Variants in KLHL1 observed in about 807,000 individuals in gnomAD.
The protein encoded by KLHL1 is kelch-like protein 1.
Under a neutral mutation model 77.7 loss-of-function variants are expected in KLHL1, and 47 were observed. The observed-to-expected ratio is 0.60, with a 90% CI of 0.48 to 0.77. The LOEUF is 0.77. Ranked by LOEUF, KLHL1 falls within the 30% of genes least tolerant of loss-of-function variation. KLHL1 has a pLI of 0.00. For synonymous variants in KLHL1, 360 were observed against 325.2 expected (o/e 1.11, Z -1.15); for missense variants, 925 against 910.8 (o/e 1.02, Z -0.20).
At chr13:69,742,427 A>C (rs1005412428) in intron 7 of KLHL1, among the ~76,000 whole-genome samples, 1 of 152,302 alleles carries the variant, frequency 6.6e-6, no homozygotes. Context: ...ATTGTCTCCC[A>C]AAACTGATGT....
At chr13:70,066,653 T>C (rs1887013336) in intron 1 of KLHL1, among the ~76,000 whole-genome samples, 1 of 152,202 alleles carries the variant, frequency 6.6e-6, no homozygotes, top group African/African-American at 2.4e-5. Context: ...TTTTCTCTTA[T>C]TTGATTCTTC....
At chr13:70,014,219 A>C (rs1885603173) in intron 1 of KLHL1, among the ~76,000 whole-genome samples, 1 of 152,122 alleles carries the variant, frequency 6.6e-6, no homozygotes, top group South Asian at 2.1e-4. Context: ...AAATGAGCTG[A>C]AATGAATTTG....
chr13:69,744,002 G>C (rs1345858204), intron 7 of KLHL1, among the ~76,000 whole-genome samples: 1 of 152,058 alleles, frequency 6.6e-6, no homozygotes, highest in Non-Finnish European at 1.5e-5. Flanking sequence ...CAAATAAATA[G>C]GCAGTTAAAT....
chr13:69,848,875 C>T (rs1165260183), intron 5 of KLHL1, among the ~76,000 whole-genome samples: 5 of 151,346 alleles, frequency 3.3e-5, no homozygotes, highest in Non-Finnish European at 7.4e-5. Context: ...CAAAATTAAC[C>T]GAAATGAAAG....
intron 4 of KLHL1, among the ~76,000 whole-genome samples, chr13:69,887,931 T>C (rs1490754960): frequency 6.6e-6 from 1 of 152,198 alleles, no homozygotes; most frequent in East Asian, 1.9e-4. Context: ...TTGGGATTTG[T>C]TATAGTAACT....
chr13:69,752,112 A>C, intron 7 of KLHL1, among the ~76,000 whole-genome samples: 1 of 152,128 alleles, frequency 6.6e-6, no homozygotes, highest in East Asian at 1.9e-4. Flanking sequence ...ATATATACAA[A>C]GCACTTAGAA....
At chr13:69,760,718 T>A (rs117697759) in intron 7 of KLHL1, among the ~76,000 whole-genome samples, 1 of 152,092 alleles carries the variant, frequency 6.6e-6, no homozygotes, top group Non-Finnish European at 1.5e-5. Flanking sequence ...TATAAAGACT[T>A]TTTTCAGGAG....
chr13:69,884,663 T>C (rs1481753225), intron 4 of KLHL1, among the ~76,000 whole-genome samples: 1 of 152,180 alleles, frequency 6.6e-6, no homozygotes, highest in Non-Finnish European at 1.5e-5. Flanking sequence ...TTATATTTTA[T>C]AGTGTCCTCT....
In KLHL1 at chr13:69,903,053, G is replaced by A. The variant is rs577210600; in HGVS notation, c.1015-20558C>T. ...AAGTCTTATTAAAGGATCTATTATG[G>A]AGGATCTATTCAAATAGATGGATTC... On this transcript the variant is annotated intron_variant, in intron 4 of 10. Transcript: ENST00000377844. 5.3e-5 allele frequency among the ~76,000 whole-genome samples: 8 copies of A among 152,170 alleles called. 2 individuals carry two copies. The South Asian group carries it at 1.4e-3, about 28-fold the overall frequency.
chr13:69,893,379 C>T (rs1004923513), intron 4 of KLHL1, among the ~76,000 whole-genome samples: 2 of 151,578 alleles, frequency 1.3e-5, no homozygotes, highest in African/African-American at 2.4e-5. Context: ...GGACTACAGG[C>T]GCCCGCCACC....
chr13:69,917,836 C>T lies in KLHL1; in HGVS notation c.1014+22204G>A, dbSNP rs574125570. 4.6e-5 allele frequency among the ~76,000 whole-genome samples: 7 copies of T among 152,158 alleles called. No individual in the cohort carries two copies. The East Asian group carries it at 9.7e-4, about 21-fold the overall frequency. ...TCAATTAAATTCATGGTGATAACCACAAAACACTGTATTTTCATTCACATG... is the reference window on the plus strand; with the variant it reads ...TCAATTAAATTCATGGTGATAACCATAAAACACTGTATTTTCATTCACATG... On this transcript the variant is annotated intron_variant, in intron 4 of 10. Coordinates refer to ENST00000377844, the MANE Select transcript of KLHL1 (RefSeq NM_020866.3).
At chr13:69,926,946 C>CAAAAA (rs71116960) in intron 4 of KLHL1, among the ~76,000 whole-genome samples, 19,048 of 35,966 alleles carry the variant, frequency 0.53, 8,207 homozygotes, top group Middle Eastern at 0.65. Context: ...GACTCCATCT[C>CAAAAA]AAAAAAAAAA....
At chr13:69,862,565 A>G (rs1469877936) in intron 5 of KLHL1, among the ~76,000 whole-genome samples, 1 of 152,128 alleles carries the variant, frequency 6.6e-6, no homozygotes, top group Non-Finnish European at 1.5e-5. Flanking sequence ...ACCTTAATAG[A>G]AGGTGAAAGT....
chr13:69,835,089 CA>C (rs1386633491), intron 6 of KLHL1, among the ~76,000 whole-genome samples: 3 of 151,838 alleles, frequency 2.0e-5, no homozygotes, highest in Non-Finnish European at 4.4e-5. Flanking sequence ...TACAAATATC[CA>C]AAATGTTTGA....
At chr13:70,085,661 C>G (rs963201665) in intron 1 of KLHL1, among the ~76,000 whole-genome samples, 1 of 152,042 alleles carries the variant, frequency 6.6e-6, no homozygotes, top group Non-Finnish European at 1.5e-5. Flanking sequence ...GTCAGGAGTT[C>G]GAGATCAGCC....
At position 69,701,762 on chromosome 13, in the gene KLHL1, C is replaced by G; in HGVS notation, c.2188-1G>C. On this transcript the variant is annotated splice_acceptor_variant, in intron 10 of 10. Transcript: ENST00000377844. LOFTEE classifies it high-confidence loss of function. ...CTCTCCCAATATTCAAGGAAGCCAT[C>G]TGTTAAAAAAGATGAAACACAACTT... 6.2e-7 allele frequency: 1 copy of G among 1,602,822 alleles called. No individual in the cohort carries two copies. The highest frequency in any genetic ancestry group is 8.5e-7 in the Non-Finnish European group (1 of 1,173,576).
intron 6 of KLHL1, among the ~76,000 whole-genome samples, chr13:69,805,250 A>T (rs1382377938): frequency 6.6e-6 from 1 of 152,002 alleles, no homozygotes; most frequent in East Asian, 1.9e-4. Context: ...ATATGTAGCT[A>T]TGTATAGACA....
At chr13:69,841,703 C>A (rs1035987526) in intron 5 of KLHL1, among the ~76,000 whole-genome samples, 1 of 151,636 alleles carries the variant, frequency 6.6e-6, no homozygotes, top group African/African-American at 2.4e-5. Flanking sequence ...ATTGGATAAA[C>A]AATTCTAAAA....
chr13:69,771,215 C>G (rs367897312), intron 7 of KLHL1, among the ~76,000 whole-genome samples: 1 of 149,510 alleles, frequency 6.7e-6, no homozygotes, highest in African/African-American at 2.5e-5. Flanking sequence ...GACTTTTGTT[C>G]TGTGTTGCCT....
Sources: gnomAD v4.1 joint callset for allele counts (sites outside exome capture counted in the v4.1 genomes callset) on GRCh38, gnomAD v4.1.1 for gene constraint, MANE v1.5 for transcripts, NCBI Gene and HGNC (gene_info 2026-07-23, HGNC 2026-07-21) for gene names.